Variants in DNAH7 observed in about 807,000 individuals in gnomAD.
DNAH7 encodes the protein dynein axonemal heavy chain 7.
DNAH7 carries 397 observed loss-of-function variants against 444.6 expected under a neutral mutation model. The ratio of observed to expected loss-of-function variants is 0.89; its 90% CI spans 0.82 to 0.97. The LOEUF (loss-of-function observed/expected upper bound fraction) is 0.97. DNAH7 is among the 50% of genes least tolerant of loss of function. The probability of loss-of-function intolerance (pLI) is 0.00; values close to 1 mark genes in which losing one functional copy is unlikely to be tolerated. For synonymous variants in DNAH7, 1,636 were observed against 1,624.4 expected, an observed-to-expected ratio of 1.01 and a Z score of -0.17; for missense variants, 4,902 against 4,800.8, an observed-to-expected ratio of 1.02 and a Z score of -0.62.
intron 14 of DNAH7, among the ~76,000 whole-genome samples, chr2:195,985,677 A>T (rs1382045676): frequency 6.6e-6 from 1 of 152,190 alleles, no homozygotes; most frequent in Admixed American, 6.5e-5. Flanking sequence ...CATAATTAGG[A>T]GAAAATGGGA....
chr2:195,926,281 A>T, intron 22 of DNAH7, 145 bp downstream of exon 22: 1 of 712,890 alleles, frequency 1.4e-6, no homozygotes, highest in Non-Finnish European at 2.0e-6. Flanking sequence ...TGCAATTTTT[A>T]TTTAAAAAAT....
At chr2:195,836,536 C>CA (rs1419648576) in intron 47 of DNAH7, among the ~76,000 whole-genome samples, 1 of 150,976 alleles carries the variant, frequency 6.6e-6, no homozygotes, top group Non-Finnish European at 1.5e-5. Flanking sequence ...CAAATACGGT[C>CA]ACATGGGAGT....
intron 19 of DNAH7, among the ~76,000 whole-genome samples, chr2:195,943,175 T>C (rs1689576465): frequency 6.6e-6 from 1 of 152,180 alleles, no homozygotes; most frequent in Non-Finnish European, 1.5e-5. Context: ...GTAAGTCAAT[T>C]AAACCTCTTT....
intron 58 of DNAH7, among the ~76,000 whole-genome samples, chr2:195,781,374 T>C (rs537203899): frequency 6.6e-6 from 1 of 152,216 alleles, no homozygotes; most frequent in South Asian, 2.1e-4. Context: ...TTGGCCAACA[T>C]GCCCCTGAGA....
chr2:195,971,053 T>TA (rs1449639995), intron 16 of DNAH7, among the ~76,000 whole-genome samples: 2 of 152,340 alleles, frequency 1.3e-5, no homozygotes, highest in East Asian at 3.9e-4. Context: ...CTGCAGTTTT[T>TA]AAAAAAATCT....
intron 51 of DNAH7, among the ~76,000 whole-genome samples, 190 bp from the exon 52 acceptor site, chr2:195,810,061 A>C (rs1696892239): frequency 6.6e-6 from 1 of 151,564 alleles, no homozygotes; most frequent in South Asian, 2.1e-4. Context: ...GTCCAATTGC[A>C]TTTTACTGTG....
chr2:196,000,650 T>G (rs1574987937), intron 12 of DNAH7, 54 bp downstream of exon 12: 1 of 1,354,094 alleles, frequency 7.4e-7, no homozygotes. Context: ...AGAAGTTACT[T>G]GAAGTGAATG....
intron 31 of DNAH7, among the ~76,000 whole-genome samples, chr2:195,889,267 C>T (rs758295490): frequency 6.8e-6 from 1 of 147,500 alleles, no homozygotes; most frequent in Admixed American, 6.7e-5. Context: ...CCTTTCTTTC[C>T]TCCCTCCCTC....
chr2:195,751,745 C>T (rs771857892), intron 63 of DNAH7, among the ~76,000 whole-genome samples: 2 of 152,110 alleles, frequency 1.3e-5, no homozygotes, highest in Non-Finnish European at 2.9e-5. Flanking sequence ...TACAGGTGGG[C>T]GGCGGCTAGA....
chr2:195,749,045 A>G (rs1451049107), intron 63 of DNAH7, among the ~76,000 whole-genome samples: 3 of 151,996 alleles, frequency 2.0e-5, no homozygotes, highest in East Asian at 1.9e-4. Flanking sequence ...AGAGTGAACA[A>G]GCAACCTACA....
intron 48 of DNAH7, among the ~76,000 whole-genome samples, chr2:195,827,285 A>T (rs759596605): frequency 3.3e-5 from 5 of 152,030 alleles, no homozygotes; most frequent in South Asian, 4.1e-4. Context: ...TTAATTAATT[A>T]ATTTATTTGA....
In DNAH7 at chr2:195,873,617, A is replaced by T; in HGVS notation, c.6364T>A (p.Ser2122Thr). The T allele has an allele frequency of 1.3e-6, 2 of 1,508,854 alleles. No homozygotes were observed. Among genetic ancestry groups the T allele is most frequent in the Non-Finnish European group, 1.8e-6 (2 of 1,126,388 alleles). 93.5% of individuals were successfully genotyped at this position (1,508,854 alleles called of 1,614,324 possible). A position where few individuals can be genotyped will look rare whatever the true frequency, so the allele number is the denominator to read the frequency against. The change falls in exon 39 of 65, where the codon TCC becomes ACC. Residue 2122 changes from serine to threonine, a missense_variant. Transcript: ENST00000312428. ...ATTCTAGAGAAGATTGTATACATGG[A>T]TTTATCACTAAACTCATTGATTGTT... The part of the protein sequence containing the change: ...IITINEFSDK[S>T]MYTIFSRILT...
intron 10 of DNAH7, among the ~76,000 whole-genome samples, chr2:196,006,377 T>C (rs1363697940): frequency 1.3e-5 from 2 of 152,114 alleles, no homozygotes; most frequent in Non-Finnish European, 2.9e-5. Context: ...GTTGGTTCAA[T>C]ACATGAAAAA....
rs1687055730 is a variant in DNAH7, at chr2:195,906,827, T to C, written c.4208-41A>G. The C allele has an allele frequency of 2.5e-6, 4 of 1,611,454 alleles. No homozygotes were observed. In the South Asian group the frequency reaches 4.4e-5, roughly 18 times the overall value. On this transcript the variant is annotated intron_variant, in intron 26 of 64. Transcript: ENST00000312428. ...AATGAAATGACTTAGTAATACCACA[T>C]ATAAACATGAGCTGTGCCATTCACT... is the stretch of plus-strand genomic sequence containing the variant.
rs199942661 is a variant in DNAH7 at position 195,740,722 on chromosome 2, G to C, written c.11868+44C>G. 506 of 817,002 alleles carry C rather than the reference G, an allele frequency of 6.2e-4. 2 individuals carry two copies. In the African/African-American group the frequency reaches 8.9e-3, roughly 14 times the overall value. The allele number at this position is 817,002 out of a possible 1,614,324, so 50.6% of individuals were successfully genotyped here. A position where few individuals can be genotyped will look rare whatever the true frequency, so the allele number is the denominator to read the frequency against. The stretch of plus-strand genomic sequence containing the variant: ...ATTTTATATATAATATATAAAATAT[G>C]TATAAAATAATTCCACATGTATATA... On this transcript the variant is annotated intron_variant, in intron 64 of 64. Coordinates refer to ENST00000312428, the MANE Select transcript of DNAH7 (RefSeq NM_018897.3).
At chr2:195,778,399 A>G (rs903774283) in intron 58 of DNAH7, among the ~76,000 whole-genome samples, 2 of 151,208 alleles carry the variant, frequency 1.3e-5, no homozygotes, top group African/African-American at 4.9e-5. Context: ...GCACTTTGAG[A>G]GGCCAAGGCG....
At chr2:196,028,694 A>T (rs76276324) in intron 5 of DNAH7, among the ~76,000 whole-genome samples, 1 of 152,216 alleles carries the variant, frequency 6.6e-6, no homozygotes, top group African/African-American at 2.4e-5. Flanking sequence ...TTTCAGAAAA[A>T]TAAGTTGTTG....
chr2:195,996,587 G>A (rs377709253), intron 12 of DNAH7, among the ~76,000 whole-genome samples: 10 of 151,924 alleles, frequency 6.6e-5, no homozygotes, highest in East Asian at 5.8e-4. Flanking sequence ...CACCATGCCC[G>A]GCTGATTTTT....
At chr2:195,757,029 T>G (rs1694107392) in intron 61 of DNAH7, among the ~76,000 whole-genome samples, 1 of 151,818 alleles carries the variant, frequency 6.6e-6, no homozygotes, top group Non-Finnish European at 1.5e-5. Context: ...GGTCTTACTA[T>G]ATTGCCCATG....
Sources: allele counts gnomAD v4.1 joint callset (sites outside exome capture counted in the v4.1 genomes callset), GRCh38; gene constraint gnomAD v4.1.1; transcripts MANE v1.5; gene names NCBI Gene and HGNC (gene_info 2026-07-23, HGNC 2026-07-21).